The following PDHX variants were observed in gnomAD, a reference collection of about 807,000 sequenced individuals.
PDHX encodes the protein pyruvate dehydrogenase complex component X, also known as pyruvate dehydrogenase protein X component, mitochondrial.
Under a neutral mutation model 55.3 loss-of-function variants are expected in PDHX, and 33 were observed. The observed-to-expected ratio is 0.60, with a 90% confidence interval of 0.45 to 0.80. The LOEUF (loss-of-function observed/expected upper bound fraction) is 0.80, where lower values mean the gene tolerates loss of function less well. Among genes scored for constraint, PDHX ranks in the 30% least tolerant of loss-of-function variants. The pLI is 0.00. For synonymous variants in PDHX, 226 were observed against 219.4 expected (o/e 1.03, Z -0.27); for missense variants, 622 against 619.9 (o/e 1.00, Z -0.04).
At chr11:34,928,368 G>A (rs563375119) in intron 1 of PDHX, among the ~76,000 whole-genome samples, 72 of 143,932 alleles carry the variant, frequency 5.0e-4, no homozygotes, top group African/African-American at 2.0e-3. Flanking sequence ...GAACACATTG[G>A]GACTTTTTTT....
At chr11:34,991,484 T>G (rs1380087670) in intron 9 of PDHX, among the ~76,000 whole-genome samples, 1 of 152,190 alleles carries the variant, frequency 6.6e-6, no homozygotes, top group East Asian at 1.9e-4. Flanking sequence ...ATATAAAATT[T>G]ATTTTTTATA....
intron 2 of PDHX, among the ~76,000 whole-genome samples, chr11:34,944,240 C>T (rs1184399556): frequency 2.0e-5 from 3 of 151,998 alleles, no homozygotes; most frequent in Non-Finnish European, 2.9e-5. Context: ...CTGCCTCAAC[C>T]TCCCGAGTAG....
intron 2 of PDHX, among the ~76,000 whole-genome samples, chr11:34,946,901 C>T (rs983998214): frequency 2.6e-5 from 4 of 152,196 alleles, no homozygotes; most frequent in African/African-American, 9.7e-5. Context: ...CTCCTAAATC[C>T]AGAAGCTAGT....
At chr11:34,982,083 G>A (rs1855526665) in intron 8 of PDHX, among the ~76,000 whole-genome samples, 1 of 152,158 alleles carries the variant, frequency 6.6e-6, no homozygotes, top group Non-Finnish European at 1.5e-5. Context: ...GCACATGCCT[G>A]TGTTCTGAAT....
chr11:34,939,895 T>C (rs1312529209), intron 2 of PDHX, among the ~76,000 whole-genome samples: 1 of 152,084 alleles, frequency 6.6e-6, no homozygotes, highest in African/African-American at 2.4e-5. Flanking sequence ...ACCCACAATT[T>C]CAAAATCTTT....
At chr11:34,992,441 C>A in intron 10 of PDHX, 62 bp downstream of exon 10, 1 of 833,542 alleles carries the variant, frequency 1.2e-6, no homozygotes, top group Non-Finnish European at 2.1e-6. Context: ...CTTATAAAGT[C>A]CCTGTCAGCC....
chr11:34,980,476 C>T (rs906097493), intron 8 of PDHX, among the ~76,000 whole-genome samples: 3 of 147,408 alleles, frequency 2.0e-5, no homozygotes, highest in Non-Finnish European at 4.5e-5. Context: ...CAACTTTGAC[C>T]GTGTCCCATA....
chr11:34,935,540 C>A (rs1854288361), intron 2 of PDHX, among the ~76,000 whole-genome samples: 1 of 152,154 alleles, frequency 6.6e-6, no homozygotes, highest in Non-Finnish European at 1.5e-5. Flanking sequence ...TAGAGTCTCC[C>A]CTCCAGGTAT....
intron 1 of PDHX, among the ~76,000 whole-genome samples, chr11:34,917,129 C>T (rs1853739873): frequency 6.6e-6 from 1 of 152,146 alleles, no homozygotes; most frequent in Admixed American, 6.5e-5. Context: ...CCTTTCCAAT[C>T]AAGGCTCAGG....
chr11:34,971,482 A>G (rs1412670255), intron 7 of PDHX, among the ~76,000 whole-genome samples: 1 of 152,170 alleles, frequency 6.6e-6, no homozygotes, highest in Non-Finnish European at 1.5e-5. Flanking sequence ...CCTAACTTGC[A>G]GAGAGTTTTA....
chr11:34,925,137 CCA>C (rs1853988682), intron 1 of PDHX, among the ~76,000 whole-genome samples: 1 of 152,212 alleles, frequency 6.6e-6, no homozygotes, highest in Admixed American at 6.5e-5. Context: ...AATAGCTTCT[CCA>C]CACAGTTTTC....
intron 2 of PDHX, among the ~76,000 whole-genome samples, chr11:34,944,434 T>G (rs1173379809): frequency 1.3e-5 from 2 of 152,180 alleles, no homozygotes. Context: ...CAATACATTT[T>G]TAATAAATGT....
At chr11:34,926,968 A>G (rs1565148462) in intron 1 of PDHX, among the ~76,000 whole-genome samples, 1 of 152,054 alleles carries the variant, frequency 6.6e-6, no homozygotes, top group Non-Finnish European at 1.5e-5. Flanking sequence ...GAAAACAGCA[A>G]TAAGCTAAGC....
chr11:34,970,073 C>T (rs1855224094), intron 6 of PDHX, 66 bp from the exon 7 acceptor site: 5 of 1,378,328 alleles, frequency 3.6e-6, no homozygotes, highest in Middle Eastern at 1.8e-4. Flanking sequence ...TATAAAGTTG[C>T]TTGTTTTTTG....
chr11:34,928,638 A>G (rs1341499067), intron 1 of PDHX, among the ~76,000 whole-genome samples: 1 of 152,166 alleles, frequency 6.6e-6, no homozygotes, highest in Non-Finnish European at 1.5e-5. Flanking sequence ...GAGGATTAGA[A>G]AGCTCATTCT....
Position 34,957,264 on chromosome 11 carries a change from G to A in PDHX, c.343-120G>A, listed in dbSNP as rs937367840. ...TGGAAGGCAGAGGCAAACTGTCTTGGAAGCAGCTTTTAGCTCAAATTAAGA... is the reference window on the plus strand; with the variant it reads ...TGGAAGGCAGAGGCAAACTGTCTTGAAAGCAGCTTTTAGCTCAAATTAAGA... On this transcript the variant is annotated intron_variant, in intron 3 of 10. Transcript: ENST00000227868. 3 of 755,664 alleles carry A rather than the reference G, an allele frequency of 4.0e-6. No individual in the cohort carries two copies. In the African/African-American group the frequency reaches 5.2e-5, roughly 13 times the overall value. The allele number at this position is 755,664 out of a possible 1,614,324, so 46.8% of individuals were successfully genotyped here. A position where few individuals can be genotyped will look rare whatever the true frequency, so the allele number is the denominator to read the frequency against.
intron 8 of PDHX, among the ~76,000 whole-genome samples, chr11:34,981,643 C>A (rs1462855057): frequency 1.3e-5 from 2 of 152,028 alleles, no homozygotes; most frequent in Non-Finnish European, 2.9e-5. Context: ...CCTATTTCTC[C>A]ACATCCTCTC....
At chr11:34,988,166 G>A (rs1233559404) in intron 9 of PDHX, among the ~76,000 whole-genome samples, 3 of 152,184 alleles carry the variant, frequency 2.0e-5, no homozygotes, top group Non-Finnish European at 4.4e-5. Context: ...TATAGTATTT[G>A]TAATCCTCTT....
chr11:34,947,040 C>T (rs1040817280), intron 2 of PDHX, among the ~76,000 whole-genome samples: 4 of 152,102 alleles, frequency 2.6e-5, no homozygotes, highest in South Asian at 2.1e-4. Flanking sequence ...ATGCTTTATT[C>T]ATTTATACTG....
Sources: allele counts gnomAD v4.1 joint callset (sites outside exome capture counted in the v4.1 genomes callset), GRCh38; gene constraint gnomAD v4.1.1; transcripts MANE v1.5; gene names NCBI Gene and HGNC (gene_info 2026-07-23, HGNC 2026-07-21).